STXBP5L: variants seen among roughly 807,000 people sequenced by gnomAD.
STXBP5L encodes the protein syntaxin-binding protein 5-like.
In STXBP5L, 65 loss-of-function variants were observed where a neutral mutation model predicts 144.5. The observed-to-expected ratio is 0.45, with a 90% CI of 0.37 to 0.55. STXBP5L has a LOEUF of 0.55. Ranked by LOEUF, STXBP5L falls within the 20% of genes least tolerant of loss-of-function variation. STXBP5L has a pLI of 0.00. For synonymous variants in STXBP5L, 505 were observed against 469.6 expected (o/e 1.08, Z -0.97); for missense variants, 1,298 against 1,405.5 (o/e 0.92, Z 1.22).
intron 5 of STXBP5L, among the ~76,000 whole-genome samples, chr3:121,073,783 T>G (rs2041907201): frequency 6.6e-6 from 1 of 152,174 alleles, no homozygotes; most frequent in African/African-American, 2.4e-5. Context: ...AATCCAAATG[T>G]GACAGAAACC....
rs182613152 is a variant in STXBP5L, at chr3:121,354,965, G to C, written c.2177-23751G>C. Among the ~76,000 whole-genome samples the C allele has an allele frequency of 4.9e-4, 74 of 152,218 alleles. No homozygotes were observed. In the East Asian group the frequency reaches 0.012, roughly 24 times the overall value. On this transcript the variant is annotated intron_variant, in intron 20 of 26. Coordinates refer to ENST00000471454, the MANE Select transcript of STXBP5L (RefSeq NM_001308330.2). ...TTCAGTTATGAAGCTTAGTTTGGCT[G>C]GATATGAAATTCTGGGTTGAAAATT...
At chr3:121,313,174 C>T (rs1448448412) in intron 19 of STXBP5L, among the ~76,000 whole-genome samples, 7 of 138,898 alleles carry the variant, frequency 5.0e-5, no homozygotes, top group Non-Finnish European at 1.1e-4. Context: ...CGGGCAGAGG[C>T]GCCCCTCACC....
intron 2 of STXBP5L, among the ~76,000 whole-genome samples, chr3:120,915,439 A>G (rs1449138212): frequency 6.6e-6 from 1 of 152,162 alleles, no homozygotes; most frequent in Non-Finnish European, 1.5e-5. Flanking sequence ...GACTATATCC[A>G]TTAAAAGTAT....
chr3:121,416,042 A>G (rs2047224057), intron 25 of STXBP5L, 74 bp downstream of exon 25: 1 of 1,122,274 alleles, frequency 8.9e-7, no homozygotes, highest in African/African-American at 1.7e-5. Context: ...TTGTGTGTGT[A>G]ACTTAATGTA....
intron 9 of STXBP5L, among the ~76,000 whole-genome samples, chr3:121,189,617 T>A (rs2047553899): frequency 6.6e-6 from 1 of 152,234 alleles, no homozygotes; most frequent in Non-Finnish European, 1.5e-5. Context: ...CTGTTTTGGT[T>A]ACTGTAGCCT....
intron 5 of STXBP5L, among the ~76,000 whole-genome samples, chr3:121,068,225 G>T (rs561229371): frequency 6.6e-6 from 1 of 152,070 alleles, no homozygotes; most frequent in Admixed American, 6.5e-5. Context: ...GGCCATGATG[G>T]TCTCAATCTC....
chr3:121,347,557 C>G (rs936738573), intron 20 of STXBP5L, among the ~76,000 whole-genome samples: 1 of 152,144 alleles, frequency 6.6e-6, no homozygotes, highest in African/African-American at 2.4e-5. Flanking sequence ...GCAGTATGGC[C>G]ATTTTCACGA....
rs796311069 is a variant in STXBP5L at position 121,108,872 on chromosome 3, C to G, written c.471-6053C>G. ...CTTTTTTTGGTTGGTAGGCTATTTACTACTGCCTCAGTTTCAGAACTCATT... is the reference window on the plus strand; with the variant it reads ...CTTTTTTTGGTTGGTAGGCTATTTAGTACTGCCTCAGTTTCAGAACTCATT... On this transcript the variant is annotated intron_variant, in intron 5 of 26. Transcript: ENST00000471454. Among the ~76,000 whole-genome samples, 4 of 152,178 alleles carry G rather than the reference C, an allele frequency of 2.6e-5. No homozygotes were observed. The East Asian group carries it at 7.7e-4, about 29-fold the overall frequency.
intron 5 of STXBP5L, among the ~76,000 whole-genome samples, chr3:121,092,209 C>A (rs2042846390): frequency 6.6e-6 from 1 of 152,030 alleles, no homozygotes; most frequent in Non-Finnish European, 1.5e-5. Context: ...TAGCATGATG[C>A]CTCCAGCTTT....
chr3:121,010,884 G>A (rs1334368934), intron 3 of STXBP5L, among the ~76,000 whole-genome samples: 1 of 151,550 alleles, frequency 6.6e-6, no homozygotes, highest in Non-Finnish European at 1.5e-5. Context: ...AAGAGAAGGG[G>A]TTTGTCTTGC....
intron 5 of STXBP5L, among the ~76,000 whole-genome samples, chr3:121,080,025 T>A (rs2042184851): frequency 6.6e-6 from 1 of 152,234 alleles, no homozygotes; most frequent in Non-Finnish European, 1.5e-5. Context: ...GGATATAAAT[T>A]TAGAATTGTA....
In STXBP5L at chr3:121,020,633, A is replaced by T. The variant is rs189039504; in HGVS notation, c.288-21067A>T. Reference sequence around the variant, plus strand: ...AGTTTCCTTAAACAAAACAATTATCAGGCAAGAATTTTTTATCAGGTGAAA... The same window carrying T: ...AGTTTCCTTAAACAAAACAATTATCTGGCAAGAATTTTTTATCAGGTGAAA... On this transcript the variant is annotated intron_variant, in intron 3 of 26. Transcript: ENST00000471454. 2.7e-3 allele frequency among the ~76,000 whole-genome samples: 409 copies of T among 152,252 alleles called. 2 individuals carry two copies. Among genetic ancestry groups the T allele is most frequent in the African/African-American group, 8.5e-3 (352 of 41,554 alleles).
At chr3:121,162,415 C>A (rs77594201) in intron 9 of STXBP5L, among the ~76,000 whole-genome samples, 7 of 152,014 alleles carry the variant, frequency 4.6e-5, no homozygotes, top group Non-Finnish European at 7.4e-5. Flanking sequence ...ATATAAAAAT[C>A]AACTCAAGGT....
rs201145127 is a variant in STXBP5L at position 121,418,391 on chromosome 3, G to C, written c.3281G>C (p.Gly1094Ala). Residue 1094 changes from glycine to alanine, a missense_variant, in exon 26 of 27, where the codon GGA becomes GCA. Physicochemically the swap from Gly to Ala is moderately conservative, Grantham distance 60. Coordinates refer to ENST00000471454, the MANE Select transcript of STXBP5L (RefSeq NM_001308330.2). ...ASRSLAQHIPGPGSIEGMKGA... is the reference protein window; with the variant it reads ...ASRSLAQHIPAPGSIEGMKGA... ...CGCAGCCTTGCGCAACACATTCCTGGACCAGGTAGTATAGAAGGGATGAAA... is the reference window on the plus strand; with the variant it reads ...CGCAGCCTTGCGCAACACATTCCTGCACCAGGTAGTATAGAAGGGATGAAA... 1 of 1,613,948 alleles carries C rather than the reference G, an allele frequency of 6.2e-7. No individual in the cohort carries two copies. Among genetic ancestry groups the C allele is most frequent in the Admixed American group, 1.7e-5 (1 of 59,990 alleles).
intron 9 of STXBP5L, among the ~76,000 whole-genome samples, chr3:121,168,399 A>T (rs1338556020): frequency 6.6e-6 from 1 of 152,202 alleles, no homozygotes; most frequent in Non-Finnish European, 1.5e-5. Context: ...CTCTGAGCTA[A>T]AGGAGGATGT....
chr3:121,010,707 T>C (rs1944709027), intron 3 of STXBP5L, among the ~76,000 whole-genome samples: 1 of 151,860 alleles, frequency 6.6e-6, no homozygotes, highest in African/African-American at 2.4e-5. Context: ...TCTCATACAT[T>C]AAATGTGTTG....
At chr3:120,957,461 G>A (rs1355922451) in intron 3 of STXBP5L, among the ~76,000 whole-genome samples, 3 of 151,932 alleles carry the variant, frequency 2.0e-5, no homozygotes, top group African/African-American at 7.2e-5. Context: ...TTTTGTTGAG[G>A]ATTTTTGCAT....
At chr3:121,340,286 A>G (rs2044659985) in intron 20 of STXBP5L, among the ~76,000 whole-genome samples, 1 of 152,142 alleles carries the variant, frequency 6.6e-6, no homozygotes, top group African/African-American at 2.4e-5. Flanking sequence ...CAAAGTATAG[A>G]AAGGCATGGA....
At chr3:121,159,868 G>T (rs1215584731) in intron 9 of STXBP5L, among the ~76,000 whole-genome samples, 1 of 151,828 alleles carries the variant, frequency 6.6e-6, no homozygotes, top group Non-Finnish European at 1.5e-5. Flanking sequence ...TCCTGACCTC[G>T]TGATCCGCCC....
Sources: allele counts gnomAD v4.1 joint callset (sites outside exome capture counted in the v4.1 genomes callset), GRCh38; gene constraint gnomAD v4.1.1; transcripts MANE v1.5; gene names NCBI Gene and HGNC (gene_info 2026-07-23, HGNC 2026-07-21).